PGBD5: variants seen among roughly 807,000 people sequenced by gnomAD.
PGBD5 encodes piggyBac transposable element-derived protein 5.
PGBD5 carries 14 observed loss-of-function variants against 47.9 expected under a neutral mutation model. The observed-to-expected ratio is 0.29, with a 90% confidence interval of 0.19 to 0.46. PGBD5 has a LOEUF of 0.46. PGBD5 is among the 20% of genes least tolerant of loss of function. The pLI, the probability that PGBD5 is intolerant of heterozygous loss-of-function variation, is 1.00. For missense variants in PGBD5, 635 were observed against 716.0 expected (o/e 0.89, Z 1.29); for synonymous variants, 316 against 306.3 (o/e 1.03, Z -0.33).
Position 230,336,487 on chromosome 1 carries a change from T to A in PGBD5, c.1075+621A>T, listed in dbSNP as rs745362261. ...TTGTGCTGCTTCTGAGTGGACCAGA[T>A]CTAAATCCCCAAAGCCAGGACAAAG... On this transcript the variant is annotated intron_variant, in intron 4 of 6. Coordinates refer to ENST00000391860, the MANE Select transcript of PGBD5 (RefSeq NM_001258311.2). Among the ~76,000 whole-genome samples, 97 of 152,118 alleles carry A rather than the reference T, an allele frequency of 6.4e-4. 1 individual carries two copies. Among genetic ancestry groups the A allele is most frequent in the Admixed American group, 1.1e-3 (17 of 15,284 alleles).
chr1:230,376,447 G>A (rs1397418217), intron 1 of PGBD5, among the ~76,000 whole-genome samples: 1 of 151,884 alleles, frequency 6.6e-6, no homozygotes, highest in African/African-American at 2.4e-5. Flanking sequence ...AGCTAGAGTG[G>A]CTGAGTGGAT....
At chr1:230,393,023 G>C (rs1656827599) in intron 1 of PGBD5, among the ~76,000 whole-genome samples, 1 of 150,680 alleles carries the variant, frequency 6.6e-6, no homozygotes, top group East Asian at 2.0e-4. Context: ...GAAAAGGAAA[G>C]GGGGAGAGGG....
chr1:230,420,004 T>C (rs1657613859), intron 1 of PGBD5, among the ~76,000 whole-genome samples: 1 of 152,138 alleles, frequency 6.6e-6, no homozygotes, highest in Admixed American at 6.5e-5. Flanking sequence ...TGCGTGCCTG[T>C]AATCCCAGCT....
At chr1:230,386,364 A>C (rs539547043) in intron 1 of PGBD5, among the ~76,000 whole-genome samples, 2 of 151,890 alleles carry the variant, frequency 1.3e-5, no homozygotes, top group South Asian at 4.2e-4. Context: ...ACCTCTTATT[A>C]TGTGAATATA....
intron 1 of PGBD5, among the ~76,000 whole-genome samples, chr1:230,418,398 CAATT>C (rs774399996): frequency 6.6e-5 from 10 of 152,146 alleles, no homozygotes; most frequent in Non-Finnish European, 1.5e-4. Context: ...ACAGGTAAAA[CAATT>C]AAGTATTGGT....
intron 3 of PGBD5, among the ~76,000 whole-genome samples, chr1:230,343,308 C>G (rs1667434024): frequency 6.6e-6 from 1 of 152,188 alleles, no homozygotes; most frequent in South Asian, 2.1e-4. Flanking sequence ...AGCATGTGGG[C>G]TCTCTGTACA....
At position 230,426,026 on chromosome 1, in the gene PGBD5, G is replaced by A; in HGVS notation, c.-98C>T. The A allele has an allele frequency of 1.9e-6, 1 of 529,890 alleles. No individual in the cohort carries two copies. Among genetic ancestry groups the A allele is most frequent in the Non-Finnish European group, 2.4e-6 (1 of 418,598 alleles). The allele number at this position is 529,890 out of a possible 1,614,324, so 32.8% of individuals were successfully genotyped here. On this transcript the variant is annotated 5_prime_UTR_variant, in exon 1 of 7. Coordinates refer to ENST00000391860, the MANE Select transcript of PGBD5 (RefSeq NM_001258311.2). ...CCGCGGCCCGCCGCCCCCCACCAGC[G>A]CAGCCCGCAGCACAGCGCCCGCCGC...
intron 1 of PGBD5, among the ~76,000 whole-genome samples, chr1:230,397,129 T>C (rs993521563): frequency 1.3e-5 from 2 of 152,130 alleles, no homozygotes; most frequent in African/African-American, 4.8e-5. Flanking sequence ...AGGCCTCCCA[T>C]TGCCCACCCG....
At chr1:230,420,148 C>T (rs1238800365) in intron 1 of PGBD5, among the ~76,000 whole-genome samples, 1 of 152,078 alleles carries the variant, frequency 6.6e-6, no homozygotes, top group Non-Finnish European at 1.5e-5. Context: ...AAAAAACAAA[C>T]TTAGGCCTCA....
chr1:230,367,072 C>G (rs1242530194), intron 1 of PGBD5, among the ~76,000 whole-genome samples: 3 of 152,044 alleles, frequency 2.0e-5, no homozygotes, highest in Non-Finnish European at 4.4e-5. Context: ...GAGGGACCAC[C>G]CAGGTAACTT....
chr1:230,369,472 C>G (rs917822830), intron 1 of PGBD5, among the ~76,000 whole-genome samples: 2 of 152,240 alleles, frequency 1.3e-5, no homozygotes, highest in African/African-American at 4.8e-5. Flanking sequence ...GAGAAACACA[C>G]TGCACAGGGC....
chr1:230,418,326 A>G (rs1263599600), intron 1 of PGBD5, among the ~76,000 whole-genome samples: 1 of 152,212 alleles, frequency 6.6e-6, no homozygotes, highest in African/African-American at 2.4e-5. Flanking sequence ...GTACAGTTGT[A>G]CAGTGGCATA....
intron 1 of PGBD5, among the ~76,000 whole-genome samples, chr1:230,422,774 G>C (rs1387447709): frequency 6.6e-6 from 1 of 152,150 alleles, no homozygotes; most frequent in African/African-American, 2.4e-5. Flanking sequence ...AGAACAGCCT[G>C]AAGAATGGCG....
chr1:230,338,325 G>A (rs1321442815), intron 3 of PGBD5, among the ~76,000 whole-genome samples: 7 of 152,240 alleles, frequency 4.6e-5, no homozygotes, highest in Non-Finnish European at 8.8e-5. Flanking sequence ...GGCAGCACAA[G>A]GCTGCAATCA....
At chr1:230,422,693 C>T (rs1657676555) in intron 1 of PGBD5, among the ~76,000 whole-genome samples, 1 of 152,162 alleles carries the variant, frequency 6.6e-6, no homozygotes, top group Non-Finnish European at 1.5e-5. Flanking sequence ...TAACTACTGG[C>T]CGCACTTCCG....
At chr1:230,364,550 C>T (rs541803655) in intron 1 of PGBD5, among the ~76,000 whole-genome samples, 4 of 152,352 alleles carry the variant, frequency 2.6e-5, no homozygotes, top group African/African-American at 9.6e-5. Flanking sequence ...GTACACTCTG[C>T]GTGCATGTGC....
intron 1 of PGBD5, chr1:230,377,497 C>A: frequency 6.2e-7 from 1 of 1,612,708 alleles, no homozygotes; most frequent in Non-Finnish European, 8.5e-7. Flanking sequence ...GACAGCTGTA[C>A]CTGTGAATGA....
chr1:230,368,157 A>T (rs1484396393), intron 1 of PGBD5: 1 of 1,367,046 alleles, frequency 7.3e-7, no homozygotes, highest in East Asian at 4.6e-5. Context: ...GCGGAGGAGG[A>T]ATAAGGTGGA....
At chr1:230,377,717 C>T (rs894254326) in intron 1 of PGBD5, 53 of 1,429,574 alleles carry the variant, frequency 3.7e-5, no homozygotes, top group Non-Finnish European at 4.6e-5. Flanking sequence ...GAGTATCCAC[C>T]TCAAAGAGTC....
Sources: gnomAD v4.1 joint callset for allele counts (sites outside exome capture counted in the v4.1 genomes callset) on GRCh38, gnomAD v4.1.1 for gene constraint, MANE v1.5 for transcripts, NCBI Gene and HGNC (gene_info 2026-07-23, HGNC 2026-07-21) for gene names.